Variants in FBXO22 observed in about 807,000 individuals in gnomAD.
FBXO22 encodes the protein F-box only protein 22.
In FBXO22, 13 loss-of-function variants were observed where a neutral mutation model predicts 37.2. The ratio of observed to expected loss-of-function variants is 0.35; its 90% CI spans 0.23 to 0.56. FBXO22 has a LOEUF of 0.56. FBXO22 is among the 20% of genes least tolerant of loss of function. FBXO22 has a pLI of 0.87. For missense variants in FBXO22, 446 were observed against 509.9 expected, an observed-to-expected ratio of 0.87 and a Z score of 1.21; for synonymous variants, 189 against 189.1, an observed-to-expected ratio of 1.00 and a Z score of 0.00.
chr15:75,921,665 AT>A (rs1900327982), intron 5 of FBXO22, among the ~76,000 whole-genome samples: 1 of 152,208 alleles, frequency 6.6e-6, no homozygotes, highest in Admixed American at 6.5e-5. Flanking sequence ...TCTCAAAAAA[AT>A]AAAATAAAAT....
chr15:75,932,885 A>G lies in FBXO22; in HGVS notation c.995A>G (p.Gln332Arg). 6.2e-7 allele frequency: 1 copy of G among 1,614,250 alleles called. No individual in the cohort carries two copies. Among genetic ancestry groups the G allele is most frequent in the Non-Finnish European group, 8.5e-7 (1 of 1,180,034 alleles). ...TTTGCATGCGTTGGCAGGGGCTTTC[A>G]GTATTACAGAGCCAAGGGGAATGTT... The part of the protein sequence containing the change: ...FMFACVGRGF[Q>R]YYRAKGNVEA... The change falls in exon 7 of 7, where the codon CAG (glutamine) becomes CGG (arginine). Residue 332 changes from glutamine (Q) to arginine (R), a missense_variant. Physicochemically the swap from Gln to Arg is conservative, Grantham distance 43 (BLOSUM62 1). Around this residue, in one of 2 missense-constraint regions of FBXO22, gnomAD observed 315 missense variants for 410.1 expected, o/e 0.77. Coordinates refer to ENST00000308275, the MANE Select transcript of FBXO22 (RefSeq NM_147188.3).
chr15:75,910,968 A>G (rs895155733), intron 2 of FBXO22, among the ~76,000 whole-genome samples: 2 of 152,192 alleles, frequency 1.3e-5, no homozygotes, highest in African/African-American at 2.4e-5. Flanking sequence ...GTCCAGTTTT[A>G]GTTTTCTGCA....
At chr15:75,911,629 T>C (rs1197842971) in intron 2 of FBXO22, among the ~76,000 whole-genome samples, 1 of 152,156 alleles carries the variant, frequency 6.6e-6, no homozygotes, top group African/African-American at 2.4e-5. Context: ...CCTGAGACTT[T>C]GCTGAAGTTG....
Position 75,913,199 on chromosome 15 carries a change from G to A in FBXO22, c.280-4G>A, listed in dbSNP as rs1373088988. 1.3e-6 allele frequency: 2 copies of A among 1,574,344 alleles called. No homozygotes were observed. The highest frequency in any genetic ancestry group is 1.7e-6 in the Non-Finnish European group (2 of 1,163,648). ...CAATTCCAATTTTTTTTTTTTCTTT[G>A]CAGAATGTTCGCATCTTACCACATA... On this transcript the variant is annotated splice_region_variant and splice_polypyrimidine_tract_variant and intron_variant, in intron 2 of 6. Transcript: ENST00000308275.
At position 75,937,093 on chromosome 15, in the gene FBXO22, A is replaced by G. The variant is rs1353713478; in HGVS notation, c.*3991A>G. On this transcript the variant is annotated 3_prime_UTR_variant, in exon 7 of 7. Transcript: ENST00000308275. Reference sequence around the variant, plus strand: ...TTTAATCACTATACTTAATAAACATACTCTATTCAAGGTCTTGTAATAAAA... The same window carrying G: ...TTTAATCACTATACTTAATAAACATGCTCTATTCAAGGTCTTGTAATAAAA... 6.6e-6 allele frequency: 1 copy of G among 151,998 alleles called. No individual in the cohort carries two copies. Among genetic ancestry groups the G allele is most frequent in the East Asian group, 1.9e-4 (1 of 5,186 alleles). The allele number at this position is 151,998 out of a possible 1,614,324, so 9.4% of individuals were successfully genotyped here.
rs908201824 is a variant in FBXO22 at position 75,934,411 on chromosome 15, T to C, written c.*1309T>C. ...TTAGCATATTCCATCTAATACAGTA[T>C]GATGTAACTAATGTTACTTTTGTAA... On this transcript the variant is annotated 3_prime_UTR_variant, in exon 7 of 7. Coordinates refer to ENST00000308275, the MANE Select transcript of FBXO22 (RefSeq NM_147188.3). The C allele has an allele frequency of 1.3e-5, 2 of 152,352 alleles. No individual in the cohort carries two copies. Among genetic ancestry groups the C allele is most frequent in the Non-Finnish European group, 2.9e-5 (2 of 68,034 alleles). 9.4% of individuals were successfully genotyped at this position (152,352 alleles called of 1,614,324 possible). A position where few individuals can be genotyped will look rare whatever the true frequency, so the allele number is the denominator to read the frequency against.
intron 3 of FBXO22, 71 bp downstream of exon 3, chr15:75,913,361 T>C (rs1900111480): frequency 9.6e-7 from 1 of 1,041,058 alleles, no homozygotes; most frequent in Non-Finnish European, 1.5e-6. Context: ...TTCAATATTA[T>C]ACTTGTCCTG....
rs1235864339 is a variant in FBXO22 at position 75,917,328 on chromosome 15, C to A, written c.562C>A (p.Gln188Lys). The change falls in exon 5 of 7, where the codon CAA becomes AAA. Residue 188 changes from glutamine to lysine, a missense_variant. This residue lies in a region of FBXO22 where 315 missense variants were observed against 410.1 expected (regional missense o/e 0.77). Coordinates refer to ENST00000308275, the MANE Select transcript of FBXO22 (RefSeq NM_147188.3). Reference sequence around the variant, plus strand: ...CCCTCAAATTGAAGGAATAAAAATACAACCCTTTCATTTTATTAAGGATCC... The same window carrying A: ...CCCTCAAATTGAAGGAATAAAAATAAAACCCTTTCATTTTATTAAGGATCC... ...LFPQIEGIKI[Q>K]PFHFIKDPKN... The A allele has an allele frequency of 6.8e-6, 11 of 1,606,662 alleles. No homozygotes were observed. Among genetic ancestry groups the A allele is most frequent in the Admixed American group, 1.7e-5 (1 of 59,700 alleles).
intron 5 of FBXO22, among the ~76,000 whole-genome samples, chr15:75,925,167 G>T (rs1900411148): frequency 6.6e-6 from 1 of 152,086 alleles, no homozygotes; most frequent in South Asian, 2.1e-4. Flanking sequence ...TTTTACTTTG[G>T]TCTGGTCTGA....
intron 6 of FBXO22, among the ~76,000 whole-genome samples, chr15:75,931,862 A>G (rs1203520387): frequency 1.3e-5 from 2 of 152,270 alleles, no homozygotes; most frequent in Non-Finnish European, 2.9e-5. Flanking sequence ...AAAAAATAAC[A>G]TAATCATATT....
chr15:75,916,904 C>T (rs528437231), intron 4 of FBXO22, among the ~76,000 whole-genome samples: 195 of 152,054 alleles, frequency 1.3e-3, no homozygotes, highest in Non-Finnish European at 2.4e-3. Context: ...TTTACTACCC[C>T]CCCAACTTTT....
Position 75,936,976 on chromosome 15 carries a change from G to T in FBXO22, c.*3874G>T, listed in dbSNP as rs1057097795. On this transcript the variant is annotated 3_prime_UTR_variant, in exon 7 of 7. Transcript: ENST00000308275. Reference sequence around the variant, plus strand: ...TTGATTAATTTAGAAGAAATTGAAAGAAAATATATTTATTAATGTTGCTTT... The same window carrying T: ...TTGATTAATTTAGAAGAAATTGAAATAAAATATATTTATTAATGTTGCTTT... The T allele has an allele frequency of 1.3e-5, 2 of 152,162 alleles. No homozygotes were observed. Among genetic ancestry groups the T allele is most frequent in the Non-Finnish European group, 2.9e-5 (2 of 68,022 alleles). 9.4% of individuals were successfully genotyped at this position (152,162 alleles called of 1,614,324 possible).
At chr15:75,920,492 C>T (rs1428887787) in intron 5 of FBXO22, among the ~76,000 whole-genome samples, 2 of 152,152 alleles carry the variant, frequency 1.3e-5, no homozygotes, top group Admixed American at 1.3e-4. Flanking sequence ...AGATGACTAT[C>T]TATATTCAAT....
chr15:75,904,287 C>G (rs1899868968), intron 1 of FBXO22, 184 bp downstream of exon 1: 1 of 1,102,906 alleles, frequency 9.1e-7, no homozygotes, highest in Non-Finnish European at 1.3e-6. Flanking sequence ...GGGGGACTTC[C>G]CTGAGGGGCG....
chr15:75,904,457 C>G (rs1481515746), intron 1 of FBXO22, 34 bp from the exon 2 acceptor site: 1 of 1,612,986 alleles, frequency 6.2e-7, no homozygotes, highest in South Asian at 1.1e-5. Context: ...AAATGAACGT[C>G]CGTTCGCAAT....
Position 75,929,866 on chromosome 15 carries a change from C to G in FBXO22, c.629-18C>G. On this transcript the variant is annotated intron_variant, in intron 5 of 6. Coordinates refer to ENST00000308275, the MANE Select transcript of FBXO22 (RefSeq NM_147188.3). Reference sequence around the variant, plus strand: ...GTTTTAAGGCTGTCTTTAACTGTTGCTCTTCATTTCTCTGCAGGTCTTTTA... The same window carrying G: ...GTTTTAAGGCTGTCTTTAACTGTTGGTCTTCATTTCTCTGCAGGTCTTTTA... 1 of 1,613,514 alleles carries G rather than the reference C, an allele frequency of 6.2e-7. No homozygotes were observed.
Position 75,933,244 on chromosome 15 carries a change from G to C in FBXO22, c.*142G>C, listed in dbSNP as rs1263300530. ...TTTGATTGATGCTCTAAGATCACAT[G>C]AGGGTAGTATTTAATATATTAGATG... On this transcript the variant is annotated 3_prime_UTR_variant, in exon 7 of 7. Transcript: ENST00000308275. The C allele has an allele frequency of 1.4e-6, 1 of 691,772 alleles. No individual in the cohort carries two copies. Among genetic ancestry groups the C allele is most frequent in the East Asian group, 2.7e-5 (1 of 36,458 alleles). 42.9% of individuals were successfully genotyped at this position (691,772 alleles called of 1,614,324 possible). A position where few individuals can be genotyped will look rare whatever the true frequency, so the allele number is the denominator to read the frequency against.
rs1012890634 is a variant in FBXO22 at position 75,936,775 on chromosome 15, T to A, written c.*3673T>A. ...TTTTAGTAGAGATGGGGTTTCTCTG[T>A]GTTGGTCAGGCTGGCCTCAGACTCC... On this transcript the variant is annotated 3_prime_UTR_variant, in exon 7 of 7. Coordinates refer to ENST00000308275, the MANE Select transcript of FBXO22 (RefSeq NM_147188.3). 1 of 151,906 alleles carries A rather than the reference T, an allele frequency of 6.6e-6. No individual in the cohort carries two copies. The highest frequency in any genetic ancestry group is 1.5e-5 in the Non-Finnish European group (1 of 68,070). 9.4% of individuals were successfully genotyped at this position (151,906 alleles called of 1,614,324 possible).
chr15:75,932,907 T>A lies in FBXO22; in HGVS notation c.1017T>A (p.Asn339Lys). Residue 339 changes from asparagine to lysine, a missense_variant, in exon 7 of 7, where the codon AAT becomes AAA. Coordinates refer to ENST00000308275, the MANE Select transcript of FBXO22 (RefSeq NM_147188.3). ...RGFQYYRAKGNVEADAFRKFF... is the reference protein window; with the variant it reads ...RGFQYYRAKGKVEADAFRKFF... ...TTCAGTATTACAGAGCCAAGGGGAATGTTGAGGCTGATGCATTTAGAAAGT... is the reference window on the plus strand; with the variant it reads ...TTCAGTATTACAGAGCCAAGGGGAAAGTTGAGGCTGATGCATTTAGAAAGT... 6.2e-7 allele frequency: 1 copy of A among 1,614,250 alleles called. No individual in the cohort carries two copies. Among genetic ancestry groups the A allele is most frequent in the Non-Finnish European group, 8.5e-7 (1 of 1,180,040 alleles).
Sources: gnomAD v4.1 joint callset for allele counts (sites outside exome capture counted in the v4.1 genomes callset) on GRCh38, gnomAD v4.1.1 for gene constraint, gnomAD v4.1.1 regional missense constraint, MANE v1.5 for transcripts, NCBI Gene and HGNC (gene_info 2026-07-23, HGNC 2026-07-21) for gene names.